Variants in CEP85L observed in about 807,000 individuals in gnomAD.
CEP85L encodes the protein centrosomal protein 85L, also known as centrosomal protein of 85 kDa-like.
CEP85L carries 60 observed loss-of-function variants against 100.3 expected under a neutral mutation model. That is an observed-to-expected ratio of 0.60 (90% CI 0.49 to 0.74). The LOEUF (loss-of-function observed/expected upper bound fraction) is 0.74. Among genes scored for constraint, CEP85L ranks in the 30% least tolerant of loss-of-function variants. The pLI is 0.00. For synonymous variants in CEP85L, 319 were observed against 322.7 expected (o/e 0.99, Z 0.12); for missense variants, 973 against 936.2 (o/e 1.04, Z -0.51).
chr6:118,599,929 G>A (rs1215819949), intron 2 of CEP85L, among the ~76,000 whole-genome samples: 2 of 152,138 alleles, frequency 1.3e-5, no homozygotes, highest in African/African-American at 4.8e-5. Flanking sequence ...GACCAGAGGA[G>A]ATTAAGAAAA....
At chr6:118,595,839 G>A (rs1032476021) in intron 2 of CEP85L, among the ~76,000 whole-genome samples, 1 of 152,044 alleles carries the variant, frequency 6.6e-6, no homozygotes, top group Non-Finnish European at 1.5e-5. Context: ...CCAAATTAAT[G>A]CAGCACTTCA....
chr6:118,619,114 C>G (rs1773269693), intron 2 of CEP85L, among the ~76,000 whole-genome samples: 1 of 151,656 alleles, frequency 6.6e-6, no homozygotes, highest in Non-Finnish European at 1.5e-5. Context: ...GAAGATGAGT[C>G]CCTAAGACTA....
chr6:118,545,549 T>C (rs1181439190), intron 3 of CEP85L, among the ~76,000 whole-genome samples: 1 of 152,082 alleles, frequency 6.6e-6, no homozygotes, highest in East Asian at 1.9e-4. Context: ...GATCGCACCA[T>C]TCACTCGGGG....
intron 4 of CEP85L, among the ~76,000 whole-genome samples, chr6:118,517,132 T>G (rs1776331963): frequency 6.6e-6 from 1 of 152,182 alleles, no homozygotes; most frequent in Non-Finnish European, 1.5e-5. Flanking sequence ...ACCATTCTGT[T>G]TTGGTTACTG....
intron 6 of CEP85L, among the ~76,000 whole-genome samples, chr6:118,491,240 T>C (rs9481816): frequency 0.16 from 19,698 of 120,320 alleles, 1,673 homozygotes; most frequent in Non-Finnish European, 0.21. Context: ...CACACACACA[T>C]ATGCATGCAT....
At chr6:118,697,805 G>C (rs1777263432) in intron 1 of CEP85L, among the ~76,000 whole-genome samples, 1 of 131,020 alleles carries the variant, frequency 7.6e-6, no homozygotes, top group African/African-American at 2.9e-5. Flanking sequence ...GTGTAGATCA[G>C]ATAACATTCA....
chr6:118,571,854 TTTG>T (rs1191796581), intron 2 of CEP85L, among the ~76,000 whole-genome samples: 1 of 152,010 alleles, frequency 6.6e-6, no homozygotes, highest in Non-Finnish European at 1.5e-5. Context: ...AGGCAATAAT[TTTG>T]TTTTGTTTTG....
At chr6:118,603,885 A>G (rs538786710) in intron 2 of CEP85L, among the ~76,000 whole-genome samples, 1 of 152,376 alleles carries the variant, frequency 6.6e-6, no homozygotes, top group Non-Finnish European at 1.5e-5. Flanking sequence ...GTGGATAGTA[A>G]AAAGTTTTAG....
intron 2 of CEP85L, among the ~76,000 whole-genome samples, chr6:118,590,035 C>A (rs184165024): frequency 2.0e-5 from 3 of 151,692 alleles, no homozygotes; most frequent in East Asian, 3.9e-4. Context: ...GATTTTTTTT[C>A]TCTGCATTTA....
chr6:118,698,653 G>A (rs1583270925), intron 1 of CEP85L, among the ~76,000 whole-genome samples: 1 of 152,160 alleles, frequency 6.6e-6, no homozygotes. Flanking sequence ...TGAAAGACAA[G>A]TTTCCACTTG....
At chr6:118,546,733 C>T (rs1328967372) in intron 3 of CEP85L, among the ~76,000 whole-genome samples, 1 of 151,912 alleles carries the variant, frequency 6.6e-6, no homozygotes, top group African/African-American at 2.4e-5. Context: ...TTAGGCTTCT[C>T]GGTTTTGTAT....
At chr6:118,536,532 T>C (rs1777602891) in intron 3 of CEP85L, among the ~76,000 whole-genome samples, 1 of 152,162 alleles carries the variant, frequency 6.6e-6, no homozygotes, top group South Asian at 2.1e-4. Context: ...AGAAGAAGTA[T>C]TGAAGGGAAA....
intron 3 of CEP85L, among the ~76,000 whole-genome samples, chr6:118,561,863 CGTATAT>C (rs1779243492): frequency 6.6e-6 from 1 of 151,900 alleles, no homozygotes; most frequent in African/African-American, 2.4e-5. Context: ...AGAGGGCAGA[CGTATAT>C]AAGATAACAA....
chr6:118,684,032 A>C (rs527841755), intron 1 of CEP85L, among the ~76,000 whole-genome samples: 7 of 152,362 alleles, frequency 4.6e-5, no homozygotes, highest in Admixed American at 2.0e-4. Context: ...GGTTTTCCCC[A>C]ATGATTTCAT....
Position 118,469,081 on chromosome 6 carries a change from C to G in CEP85L, c.2245G>C (p.Gly749Arg). The stretch of plus-strand genomic sequence containing the variant: ...GTCATCAGACACTTACATCTTATTC[C>G]CAGTAATAATGAAAGATTAGGCTCC... ...GKEPNLSLLL[G>R]IRSMNCSAEE... Residue 749 changes from glycine (G) to arginine (R), a missense_variant, in exon 12 of 13, where the codon GGA becomes CGA. Physicochemically the swap from Gly to Arg is moderately radical, Grantham distance 125 (BLOSUM62 -2). Transcript: ENST00000368491. 1 of 1,608,724 alleles carries G rather than the reference C, an allele frequency of 6.2e-7. No homozygotes were observed. The highest frequency in any genetic ancestry group is 8.5e-7 in the Non-Finnish European group (1 of 1,175,344).
At chr6:118,488,079 T>C (rs777141523) in intron 6 of CEP85L, among the ~76,000 whole-genome samples, 2 of 151,914 alleles carry the variant, frequency 1.3e-5, no homozygotes. Flanking sequence ...TTAGTGAGGG[T>C]CTTCTCCTGT....
At chr6:118,501,935 G>A (rs1775331633) in intron 5 of CEP85L, 2 of 991,944 alleles carry the variant, frequency 2.0e-6, no homozygotes, top group South Asian at 2.9e-5. Context: ...AATTTAGAGA[G>A]ACAGTAGGAG....
upstream of CEP85L, chr6:118,657,251 A>C (rs1775827595): frequency 6.6e-6 from 1 of 152,432 alleles, no homozygotes; most frequent in Admixed American, 6.5e-5. Flanking sequence ...AGCATGTAGC[A>C]GCATAGACTG....
chr6:118,704,873 A>AT (rs1777545170), intron 1 of CEP85L, among the ~76,000 whole-genome samples: 1 of 151,882 alleles, frequency 6.6e-6, no homozygotes, highest in African/African-American at 2.4e-5. Flanking sequence ...CCTTCTGGCT[A>AT]TTTTCACCTT....
Sources: allele counts gnomAD v4.1 joint callset (sites outside exome capture counted in the v4.1 genomes callset), GRCh38; gene constraint gnomAD v4.1.1; transcripts MANE v1.5; gene names NCBI Gene and HGNC (gene_info 2026-07-23, HGNC 2026-07-21).